HSD17B2: variants seen among roughly 807,000 people sequenced by gnomAD.
HSD17B2 encodes the protein 17-beta-hydroxysteroid dehydrogenase type 2.
In HSD17B2, 32 loss-of-function variants were observed where a neutral mutation model predicts 26.9. The ratio of observed to expected loss-of-function variants is 1.19; its 90% CI spans 0.90 to 1.60. HSD17B2 has a LOEUF of 1.60. HSD17B2 is among the 40% of genes most tolerant of loss of function. The pLI is 0.00. For synonymous variants in HSD17B2, 246 were observed against 186.7 expected, an observed-to-expected ratio of 1.32 and a Z score of -2.59; for missense variants, 613 against 468.6, an observed-to-expected ratio of 1.31 and a Z score of -2.85.
chr16:82,075,864 A>G (rs1904298552), intron 3 of HSD17B2, among the ~76,000 whole-genome samples: 2 of 149,952 alleles, frequency 1.3e-5, no homozygotes, highest in Non-Finnish European at 3.0e-5. Flanking sequence ...AACTCATCCT[A>G]TGAGCCCTAT....
chr16:82,040,478 A>G (rs1001211261), intron 1 of HSD17B2, among the ~76,000 whole-genome samples: 1 of 152,256 alleles, frequency 6.6e-6, no homozygotes, highest in Non-Finnish European at 1.5e-5. Context: ...AGATTGGACT[A>G]AACCCAGATC....
At chr16:82,048,391 C>T (rs1211682772) in intron 1 of HSD17B2, among the ~76,000 whole-genome samples, 1 of 152,106 alleles carries the variant, frequency 6.6e-6, no homozygotes, top group Non-Finnish European at 1.5e-5. Context: ...AGAGAGAATT[C>T]TTTCAGGAAA....
At chr16:82,087,730 T>C (rs1376495277) in intron 3 of HSD17B2, among the ~76,000 whole-genome samples, 1 of 152,158 alleles carries the variant, frequency 6.6e-6, no homozygotes, top group Non-Finnish European at 1.5e-5. Flanking sequence ...ATTGATTGGC[T>C]CTTGGTTCTA....
chr16:82,035,819 T>C (rs971550173), intron 1 of HSD17B2, 130 bp downstream of exon 1: 11 of 976,658 alleles, frequency 1.1e-5, no homozygotes, highest in Non-Finnish European at 7.6e-6. Flanking sequence ...CTCACCCAAG[T>C]ATTTTTCATG....
intron 1 of HSD17B2, among the ~76,000 whole-genome samples, chr16:82,067,933 T>G (rs993779342): frequency 4.6e-5 from 7 of 152,162 alleles, no homozygotes; most frequent in African/African-American, 1.7e-4. Flanking sequence ...TTTCCACCTA[T>G]GCCCACTCAC....
chr16:82,068,236 C>G lies in HSD17B2; in HGVS notation c.332C>G (p.Ala111Gly). The change falls in exon 2 of 5, where the codon GCC becomes GGC. Residue 111 changes from alanine (A) to glycine (G), a missense_variant. Ala to Gly is a moderately conservative substitution (Grantham distance 60). Coordinates refer to ENST00000199936, the MANE Select transcript of HSD17B2 (RefSeq NM_002153.3). ...GATGAGCTGGGCTTCACGGTATTTG[C>G]CGGAGTTTTGAATGAAAATGGCCCA... ...YLDELGFTVFAGVLNENGPGA... is the reference protein window; with the variant it reads ...YLDELGFTVFGGVLNENGPGA... 1 of 1,614,044 alleles carries G rather than the reference C, an allele frequency of 6.2e-7. No individual in the cohort carries two copies. The highest frequency in any genetic ancestry group is 1.1e-5 in the South Asian group (1 of 91,060).
intron 1 of HSD17B2, among the ~76,000 whole-genome samples, chr16:82,064,066 T>G (rs558966433): frequency 2.6e-5 from 4 of 152,176 alleles, no homozygotes; most frequent in Non-Finnish European, 5.9e-5. Context: ...TCTTAACCTT[T>G]GCAATTTTCC....
At chr16:82,043,616 G>C (rs911886290) in intron 1 of HSD17B2, among the ~76,000 whole-genome samples, 1 of 123,988 alleles carries the variant, frequency 8.1e-6, no homozygotes, top group Non-Finnish European at 1.5e-5. Flanking sequence ...CCCAGGAAGC[G>C]GAGCTTGCAG....
chr16:82,078,862 C>T (rs112700977), intron 3 of HSD17B2, among the ~76,000 whole-genome samples: 1 of 152,176 alleles, frequency 6.6e-6, no homozygotes, highest in African/African-American at 2.4e-5. Flanking sequence ...GGATGGTTAC[C>T]AGAGGCTGGG....
intron 3 of HSD17B2, 108 bp downstream of exon 3, chr16:82,071,235 G>T (rs1165382934): frequency 3.0e-6 from 3 of 991,616 alleles, no homozygotes; most frequent in African/African-American, 3.2e-5. Context: ...GCAGGGTTGG[G>T]TCAGGATTAG....
intron 3 of HSD17B2, among the ~76,000 whole-genome samples, chr16:82,073,920 C>G (rs924250703): frequency 6.6e-6 from 1 of 152,134 alleles, no homozygotes; most frequent in Non-Finnish European, 1.5e-5. Context: ...AAGAACAAAG[C>G]TGGAGGCATC....
chr16:82,098,409 G>A lies in HSD17B2; in HGVS notation c.1137G>A (p.Met379Ile). Reference sequence around the variant, plus strand: ...AGCCCATGCCCAGAGCTCTAAGAATGCCTAACTACAAGAAAAAGGCCACCT... The same window carrying A: ...AGCCCATGCCCAGAGCTCTAAGAATACCTAACTACAAGAAAAAGGCCACCT... The part of the protein sequence containing the change: ...QDKPMPRALR[M>I]PNYKKKAT The change falls in exon 5 of 5, where the codon ATG becomes ATA. Residue 379 changes from methionine to isoleucine, a missense_variant. Transcript: ENST00000199936. 6.2e-7 allele frequency: 1 copy of A among 1,607,252 alleles called. No individual in the cohort carries two copies. Among genetic ancestry groups the A allele is most frequent in the Non-Finnish European group, 8.5e-7 (1 of 1,176,004 alleles).
intron 1 of HSD17B2, among the ~76,000 whole-genome samples, chr16:82,050,937 T>C (rs535143716): frequency 4.3e-4 from 65 of 152,340 alleles, no homozygotes; most frequent in Non-Finnish European, 8.2e-4. Context: ...CACAATAATC[T>C]GCTCCCCAGT....
At chr16:82,071,536 CTGTT>C (rs1026279888) in intron 3 of HSD17B2, 9 of 304,528 alleles carry the variant, frequency 3.0e-5, no homozygotes, top group African/African-American at 2.0e-4. Context: ...TACCTTCCCT[CTGTT>C]TGTGCCATCA....
At chr16:82,087,820 A>G (rs377444947) in intron 3 of HSD17B2, among the ~76,000 whole-genome samples, 1 of 152,112 alleles carries the variant, frequency 6.6e-6, no homozygotes, top group East Asian at 1.9e-4. Context: ...AGAAGGTGGA[A>G]GGGCAAGAGA....
intron 2 of HSD17B2, 22 bp downstream of exon 2, chr16:82,068,404 G>C: frequency 6.3e-7 from 1 of 1,587,920 alleles, no homozygotes; most frequent in Non-Finnish European, 8.6e-7. Flanking sequence ...AGCACCCTCA[G>C]TGCCTTTACC....
At chr16:82,094,685 G>C (rs1904788968) in intron 4 of HSD17B2, 1 of 152,170 alleles carries the variant, frequency 6.6e-6, no homozygotes, top group Non-Finnish European at 1.5e-5. Flanking sequence ...GGCAAGAAAA[G>C]GAATCTTCAG....
intron 2 of HSD17B2, 152 bp downstream of exon 2, chr16:82,068,534 C>T (rs1257350510): frequency 1.6e-6 from 1 of 643,358 alleles, no homozygotes; most frequent in African/African-American, 1.8e-5. Context: ...GTGGGGGCCT[C>T]TATCAACATG....
At chr16:82,083,959 T>C (rs1904449700) in intron 3 of HSD17B2, among the ~76,000 whole-genome samples, 1 of 152,122 alleles carries the variant, frequency 6.6e-6, no homozygotes, top group Admixed American at 6.5e-5. Flanking sequence ...AGTTGGAAAA[T>C]CTTTCTCTTT....
Sources: allele counts gnomAD v4.1 joint callset (sites outside exome capture counted in the v4.1 genomes callset), GRCh38; gene constraint gnomAD v4.1.1; transcripts MANE v1.5; gene names NCBI Gene and HGNC (gene_info 2026-07-23, HGNC 2026-07-21).